DRC4: variants seen among roughly 807,000 people sequenced by gnomAD.
DRC4 encodes the protein GAS-11.
At chr16:90,031,844 A>G in the DRC4 span, among the ~76,000 whole-genome samples, 1 of 152,168 alleles carries the variant, frequency 6.6e-6, no homozygotes. Context: ...AGGCATGTGT[A>G]GCTGTGTAAA....
the DRC4 span, among the ~76,000 whole-genome samples, chr16:90,027,154 C>T: frequency 3.4e-5 from 5 of 148,596 alleles, no homozygotes; most frequent in South Asian, 4.3e-4. Context: ...GGTGTGATCT[C>T]GGCTCACTGC....
At chr16:90,041,528 G>T in the DRC4 span, among the ~76,000 whole-genome samples, 568 of 152,314 alleles carry the variant, frequency 3.7e-3, 9 homozygotes, top group Non-Finnish European at 1.3e-3. Context: ...TGGGATAGCC[G>T]GGCGCGGTGG....
the DRC4 span, chr16:90,040,595 G>C: frequency 7.6e-7 from 1 of 1,324,116 alleles, no homozygotes. Flanking sequence ...CCTCGGATAG[G>C]CACAGAGACC....
chr16:90,041,050 G>C, the DRC4 span, among the ~76,000 whole-genome samples: 1 of 152,192 alleles, frequency 6.6e-6, no homozygotes, highest in Non-Finnish European at 1.5e-5. Context: ...GCACAGGCAG[G>C]TGAGGGAGTG....
chr16:90,040,357 C>T, the DRC4 span: 5 of 1,607,026 alleles, frequency 3.1e-6, no homozygotes, highest in South Asian at 5.6e-5. Context: ...CCAGGAGGTG[C>T]AGCAGAAGAC....
the DRC4 span, chr16:90,029,318 G>T: frequency 7.3e-7 from 1 of 1,364,426 alleles, no homozygotes; most frequent in South Asian, 1.1e-5. Context: ...GGAGACTCCT[G>T]CCCCGCAGCA....
the DRC4 span, chr16:90,037,668 A>T: frequency 7.9e-7 from 1 of 1,259,702 alleles, no homozygotes; most frequent in South Asian, 1.2e-5. Context: ...TCTGGCGATT[A>T]TTTTTGGCCT....
At chr16:90,038,899 C>T in the DRC4 span, among the ~76,000 whole-genome samples, 14 of 152,308 alleles carry the variant, frequency 9.2e-5, no homozygotes, top group African/African-American at 2.2e-4. Context: ...CTGTGGTGTG[C>T]GGGGCCAGGG....
the DRC4 span, chr16:90,043,881 C>A: frequency 0.42 from 191,474 of 458,426 alleles, 45,645 homozygotes; most frequent in East Asian, 0.79. Context: ...CGTGCGGGAA[C>A]GGGCAGGCAG....
At chr16:90,040,312 C>T in the DRC4 span, 79 of 1,586,434 alleles carry the variant, frequency 5.0e-5, no homozygotes, top group Non-Finnish European at 5.6e-5. Flanking sequence ...GCAGCAGGAG[C>T]GGGACGAGCT....
the DRC4 span, chr16:90,020,305 C>CA: frequency 0.12 from 34,772 of 286,940 alleles, 1,682 homozygotes; most frequent in African/African-American, 0.3. Context: ...TTGTATGTCT[C>CA]AAAAAAAAAA....
chr16:90,043,134 T>C, the DRC4 span: 1 of 1,534,708 alleles, frequency 6.5e-7, no homozygotes, highest in South Asian at 1.2e-5. Context: ...GGAGCTGCAC[T>C]CAGCTCTGGT....
At chr16:90,040,338 C>G in the DRC4 span, 1 of 1,601,496 alleles carries the variant, frequency 6.2e-7, no homozygotes, top group Non-Finnish European at 8.5e-7. Flanking sequence ...GGAAGTTCAC[C>G]GCAGCCATCC....
At chr16:90,037,507 G>T in the DRC4 span, 8 of 1,255,852 alleles carry the variant, frequency 6.4e-6, no homozygotes, top group Admixed American at 1.8e-4. Context: ...GAAGGGAGAC[G>T]GGGAGGCCTG....
the DRC4 span, among the ~76,000 whole-genome samples, chr16:90,024,398 G>C: frequency 6.6e-6 from 1 of 152,178 alleles, no homozygotes; most frequent in African/African-American, 2.4e-5. Flanking sequence ...CTTTTCGTGG[G>C]GCAGAGGGAG....
chr16:90,028,928 T>C, the DRC4 span: 27 of 1,296,804 alleles, frequency 2.1e-5, no homozygotes, highest in Non-Finnish European at 2.7e-5. Context: ...AATGGCTTTA[T>C]TTTACATGCA....
the DRC4 span, chr16:90,031,514 G>A: frequency 1.3e-6 from 2 of 1,545,786 alleles, no homozygotes; most frequent in South Asian, 1.2e-5. Context: ...GGGCCGGCCT[G>A]CACGTGCTAA....
chr16:90,029,766 T>G, the DRC4 span: 1 of 182,298 alleles, frequency 5.5e-6, no homozygotes, highest in Non-Finnish European at 1.3e-5. Context: ...GCCCGAAAAG[T>G]AACTGATTCT....
chr16:90,031,234 A>C, the DRC4 span: 2 of 1,602,876 alleles, frequency 1.2e-6, no homozygotes, highest in Middle Eastern at 1.7e-4. Context: ...TTCGCCGGCC[A>C]CACGCCCCGT....
Sources: allele counts gnomAD v4.1 joint callset (sites outside exome capture counted in the v4.1 genomes callset), GRCh38; gene constraint gnomAD v4.1.1; transcripts MANE v1.5; gene names NCBI Gene and HGNC (gene_info 2026-07-23, HGNC 2026-07-21).